Variants in MMP26 observed in about 807,000 individuals in gnomAD.
MMP26 encodes matrix metallopeptidase 26.
MMP26 carries 33 observed loss-of-function variants against 31.0 expected under a neutral mutation model. The observed-to-expected ratio is 1.06, with a 90% CI of 0.81 to 1.42. The LOEUF (loss-of-function observed/expected upper bound fraction) is 1.42. MMP26 is among the 40% of genes most tolerant of loss of function. The pLI is 0.00. For missense variants in MMP26, 347 were observed against 316.1 expected (o/e 1.10, Z -0.74); for synonymous variants, 122 against 114.9 (o/e 1.06, Z -0.40).
intron 2 of MMP26, among the ~76,000 whole-genome samples, chr11:4,933,332 C>T (rs369250464): frequency 1.8e-4 from 28 of 152,056 alleles, no homozygotes; most frequent in Admixed American, 5.9e-4. Flanking sequence ...AGTAAAAAGG[C>T]GGACAATCAC....
chr11:4,706,555 G>A (rs1237477949), intron 1 of MMP26, among the ~76,000 whole-genome samples: 1 of 131,978 alleles, frequency 7.6e-6, no homozygotes, highest in Non-Finnish European at 1.6e-5. Context: ...TCCAGCCTGG[G>A]CAACAGAGCA....
chr11:4,916,532 T>C (rs1283835501), intron 2 of MMP26, among the ~76,000 whole-genome samples: 1 of 152,208 alleles, frequency 6.6e-6, no homozygotes, highest in Non-Finnish European at 1.5e-5. Context: ...TTTTTCTTTC[T>C]TTCTCTTTTT....
chr11:4,734,703 T>G (rs1362646615), intron 1 of MMP26, among the ~76,000 whole-genome samples: 1 of 150,876 alleles, frequency 6.6e-6, no homozygotes, highest in Non-Finnish European at 1.5e-5. Context: ...AAATCTTTAT[T>G]GTTAATTTCT....
rs377362379 is a variant in MMP26, at chr11:4,907,824, G to A, written c.-144-80244G>A. ...ATGGGACTTATTTTAGCCATTAGGA[G>A]CATTCTCTTAGTGATTCCATTTCCC... is the stretch of plus-strand genomic sequence containing the variant. On this transcript the variant is annotated intron_variant, in intron 2 of 7. Coordinates refer to ENST00000380390, the MANE Select transcript of MMP26 (RefSeq NM_021801.5). The A allele has an allele frequency of 8.1e-6, 13 of 1,613,784 alleles. No homozygotes were observed. The East Asian group carries it at 8.9e-5, about 11-fold the overall frequency.
rs61743166 is a variant in MMP26 at position 4,821,684 on chromosome 11, G to T, written c.-145+54343G>T. ...CTTTCTACTACCCTTGGTGTCTTCT[G>T]GTTTGAAGCCCGAGAAATCAACCTA... On this transcript the variant is annotated intron_variant, in intron 2 of 7. Transcript: ENST00000380390. The T allele has an allele frequency of 1.4e-3, 2,252 of 1,613,952 alleles. 10 individuals are homozygous for T. The African/African-American group carries it at 0.016, about 11-fold the overall frequency.
At chr11:4,924,357 C>T in intron 2 of MMP26, 1 of 1,567,628 alleles carries the variant, frequency 6.4e-7, no homozygotes, top group Non-Finnish European at 8.6e-7. Flanking sequence ...CAATCTTGGA[C>T]TCAGAAACCT....
intron 2 of MMP26, among the ~76,000 whole-genome samples, chr11:4,862,984 G>C (rs1850184542): frequency 1.3e-5 from 2 of 152,122 alleles, no homozygotes; most frequent in African/African-American, 4.8e-5. Flanking sequence ...GCCTTCACTT[G>C]TTTGGGCCTG....
Position 4,950,137 on chromosome 11 carries a change from C to T in MMP26, c.-144-37931C>T, listed in dbSNP as rs1246805344. Among the ~76,000 whole-genome samples the T allele has an allele frequency of 1.6e-5, 2 of 123,312 alleles. 1 individual carries two copies. The highest frequency in any genetic ancestry group is 3.7e-5 in the Non-Finnish European group (2 of 54,268). 80.9% of individuals were successfully genotyped at this position (123,312 alleles called of 152,430 possible). On this transcript the variant is annotated intron_variant, in intron 2 of 7. Transcript: ENST00000380390. Reference sequence around the variant, plus strand: ...AAAGAAATCTTGAGTTTTATCAAAACATTAATTTGAGTTGGACAATAGGCC... The same window carrying T: ...AAAGAAATCTTGAGTTTTATCAAAATATTAATTTGAGTTGGACAATAGGCC...
intron 1 of MMP26, among the ~76,000 whole-genome samples, chr11:4,713,374 C>G (rs1471343266): frequency 6.6e-6 from 1 of 152,146 alleles, no homozygotes; most frequent in Non-Finnish European, 1.5e-5. Context: ...ACCCAGGGTT[C>G]CAAGTGAGCT....
At chr11:4,989,164 C>G (rs1215200867) in intron 3 of MMP26, among the ~76,000 whole-genome samples, 1 of 152,014 alleles carries the variant, frequency 6.6e-6, no homozygotes, top group Non-Finnish European at 1.5e-5. Context: ...TCAGTGGAGA[C>G]AAGGAATAGG....
intron 2 of MMP26, chr11:4,914,617 G>A: frequency 2.5e-6 from 2 of 791,216 alleles, no homozygotes; most frequent in Non-Finnish European, 2.0e-6. Flanking sequence ...CATGTTTGTT[G>A]AGTAAGTAAA....
intron 2 of MMP26, among the ~76,000 whole-genome samples, chr11:4,976,486 C>T (rs1423037256): frequency 2.0e-5 from 3 of 151,974 alleles, no homozygotes; most frequent in Non-Finnish European, 4.4e-5. Context: ...TCAGGATTTT[C>T]AGGTACTTAC....
At chr11:4,857,667 T>C (rs910877978) in intron 2 of MMP26, among the ~76,000 whole-genome samples, 1 of 152,144 alleles carries the variant, frequency 6.6e-6, no homozygotes, top group African/African-American at 2.4e-5. Flanking sequence ...CTGGTACCAT[T>C]CCTTCTGAAA....
At chr11:4,971,676 A>G (rs2133631697) in intron 2 of MMP26, among the ~76,000 whole-genome samples, 1 of 152,244 alleles carries the variant, frequency 6.6e-6, no homozygotes, top group Non-Finnish European at 1.5e-5. Flanking sequence ...GTAAAGGAAA[A>G]TGTCTCAGTC....
chr11:4,743,718 C>T (rs1589888796), intron 1 of MMP26, among the ~76,000 whole-genome samples: 1 of 152,300 alleles, frequency 6.6e-6, no homozygotes, highest in East Asian at 1.9e-4. Flanking sequence ...CCCCAGATTT[C>T]CCATATTGTT....
chr11:4,838,313 T>C lies in MMP26; in HGVS notation c.-145+70972T>C, dbSNP rs1849747084. ...AGCCAGGGCACAGGGCAAGACTCTGTCTAAAAAAAAAAAAAAAAAAAAAAA... is the reference window on the plus strand; with the variant it reads ...AGCCAGGGCACAGGGCAAGACTCTGCCTAAAAAAAAAAAAAAAAAAAAAAA... On this transcript the variant is annotated intron_variant, in intron 2 of 7. Coordinates refer to ENST00000380390, the MANE Select transcript of MMP26 (RefSeq NM_021801.5). Among the ~76,000 whole-genome samples the C allele has an allele frequency of 8.4e-5, 4 of 47,746 alleles. No homozygotes were observed. The South Asian group carries it at 3.0e-3, about 36-fold the overall frequency. 31.3% of individuals were successfully genotyped at this position (47,746 alleles called of 152,430 possible). A position where few individuals can be genotyped will look rare whatever the true frequency, so the allele number is the denominator to read the frequency against.
chr11:4,858,303 A>G (rs566716765), intron 2 of MMP26, among the ~76,000 whole-genome samples: 1 of 152,308 alleles, frequency 6.6e-6, no homozygotes, highest in Admixed American at 6.5e-5. Context: ...TTTGCAGATG[A>G]CATGATTGCA....
At chr11:4,822,531 T>G in intron 2 of MMP26, 1 of 614,474 alleles carries the variant, frequency 1.6e-6, no homozygotes, top group East Asian at 3.3e-5. Context: ...TGTCAATAAA[T>G]TCATGTCATT....
At chr11:4,977,636 CA>C (rs1271808921) in intron 2 of MMP26, among the ~76,000 whole-genome samples, 1 of 152,004 alleles carries the variant, frequency 6.6e-6, no homozygotes, top group Non-Finnish European at 1.5e-5. Flanking sequence ...ACACTTTCAC[CA>C]AAAAACTTCA....
Sources: gnomAD v4.1 joint callset for allele counts (sites outside exome capture counted in the v4.1 genomes callset) on GRCh38, gnomAD v4.1.1 for gene constraint, MANE v1.5 for transcripts, NCBI Gene and HGNC (gene_info 2026-07-23, HGNC 2026-07-21) for gene names.